The following WDFY4 variants were observed in gnomAD, a reference collection of about 807,000 sequenced individuals.
WDFY4 encodes WD repeat- and FYVE domain-containing protein 4.
In WDFY4, 169 loss-of-function variants were observed where a neutral mutation model predicts 351.9. The observed-to-expected ratio is 0.48, with a 90% confidence interval of 0.42 to 0.55. WDFY4 has a LOEUF of 0.55. WDFY4 is among the 20% of genes least tolerant of loss of function. The probability of loss-of-function intolerance (pLI) is 0.00; values close to 1 mark genes in which losing one functional copy is unlikely to be tolerated. For missense variants in WDFY4, 3,803 were observed against 3,935.6 expected (o/e 0.97, Z 0.90); for synonymous variants, 1,622 against 1,574.6 (o/e 1.03, Z -0.71).
chr10:48,969,857 C>T (rs1842260810), intron 56 of WDFY4, among the ~76,000 whole-genome samples: 1 of 152,178 alleles, frequency 6.6e-6, no homozygotes, highest in Non-Finnish European at 1.5e-5. Context: ...CCCACATGTC[C>T]TCCCTCCTGA....
intron 47 of WDFY4, among the ~76,000 whole-genome samples, chr10:48,916,370 TTTTG>T (rs200916428): frequency 7.9e-5 from 12 of 152,166 alleles, no homozygotes; most frequent in Admixed American, 2.6e-4. Context: ...GTGTTCTGTT[TTTTG>T]TTTGTTTGTT....
intron 23 of WDFY4, among the ~76,000 whole-genome samples, chr10:48,795,918 T>C (rs1028763608): frequency 6.6e-6 from 1 of 152,084 alleles, no homozygotes. Flanking sequence ...GACAGGCACA[T>C]CTGGCTGGGT....
intron 51 of WDFY4, among the ~76,000 whole-genome samples, chr10:48,948,901 A>T (rs1023701409): frequency 1.3e-5 from 2 of 152,266 alleles, no homozygotes; most frequent in African/African-American, 4.8e-5. Context: ...ATTCCAACTT[A>T]GCATGAGCTA....
At chr10:48,883,960 C>T (rs1186495546) in intron 43 of WDFY4, 3 of 152,200 alleles carry the variant, frequency 2.0e-5, no homozygotes, top group Admixed American at 6.5e-5. Context: ...CTCTGTTTGA[C>T]TTGAGGAGTG....
At position 48,919,059 on chromosome 10, in the gene WDFY4, A is replaced by G. The variant is rs575948145; in HGVS notation, c.7586+17196A>G. Among the ~76,000 whole-genome samples the G allele has an allele frequency of 2.2e-3, 328 of 152,292 alleles. 1 individual carries two copies. The highest frequency in any genetic ancestry group is 7.7e-3 in the African/African-American group (318 of 41,562). ...ACATATGGAATATCCACTAACACAG[A>G]CTATATTTTGGGTCATGAAACAAGC... is the stretch of plus-strand genomic sequence containing the variant. On this transcript the variant is annotated intron_variant, in intron 47 of 61. Coordinates refer to ENST00000325239, the MANE Select transcript of WDFY4 (RefSeq NM_001394531.1).
At chr10:48,692,976 C>T (rs2063235237) in intron 1 of WDFY4, among the ~76,000 whole-genome samples, 1 of 152,128 alleles carries the variant, frequency 6.6e-6, no homozygotes, top group Admixed American at 6.5e-5. Flanking sequence ...GGGGGGCAGC[C>T]ATGAGCTGTG....
intron 47 of WDFY4, among the ~76,000 whole-genome samples, chr10:48,929,458 G>A (rs533998834): frequency 9.1e-4 from 139 of 152,256 alleles, no homozygotes; most frequent in African/African-American, 3.3e-3. Flanking sequence ...AAATAGCCCA[G>A]CATGGGAGGA....
At chr10:48,939,885 C>T (rs1256346965) in intron 47 of WDFY4, among the ~76,000 whole-genome samples, 3 of 152,156 alleles carry the variant, frequency 2.0e-5, no homozygotes, top group Non-Finnish European at 2.9e-5. Context: ...TACACCATTC[C>T]ACCTGATAGT....
intron 47 of WDFY4, among the ~76,000 whole-genome samples, chr10:48,919,173 A>G (rs1838823813): frequency 6.6e-6 from 1 of 152,024 alleles, no homozygotes; most frequent in Admixed American, 6.6e-5. Flanking sequence ...CAGACTGACA[A>G]TTTAAAAAAA....
At chr10:48,740,336 G>A (rs1334130123) in intron 11 of WDFY4, among the ~76,000 whole-genome samples, 3 of 152,196 alleles carry the variant, frequency 2.0e-5, no homozygotes, top group Admixed American at 1.3e-4. Context: ...CACACGTCAA[G>A]GTTGGAGTGA....
intron 12 of WDFY4, among the ~76,000 whole-genome samples, chr10:48,752,985 C>T (rs1314891330): frequency 6.6e-6 from 1 of 152,192 alleles, no homozygotes; most frequent in African/African-American, 2.4e-5. Flanking sequence ...ACACACCCAA[C>T]AGCAATATAA....
In WDFY4 at chr10:48,788,548, A is replaced by G; in HGVS notation, c.3827A>G (p.Glu1276Gly). Residue 1276 changes from glutamate to glycine, a missense_variant, in exon 21 of 62, where the codon GAA becomes GGA. Coordinates refer to ENST00000325239, the MANE Select transcript of WDFY4 (RefSeq NM_001394531.1). Reference sequence around the variant, plus strand: ...GTTACAGGGGAGGACCTGGACAGTGAAGCCACGCCCTTTGTTGCAGAAGAA... The same window carrying G: ...GTTACAGGGGAGGACCTGGACAGTGGAGCCACGCCCTTTGTTGCAGAAGAA... Reference protein sequence around the residue: ...VHVQGEDLDSEATPFVAEERV... With the variant: ...VHVQGEDLDSGATPFVAEERV... 6.4e-7 allele frequency: 1 copy of G among 1,552,144 alleles called. No homozygotes were observed. Among genetic ancestry groups the G allele is most frequent in the Non-Finnish European group, 8.7e-7 (1 of 1,147,064 alleles).
chr10:48,879,246 T>C (rs1481828961), intron 43 of WDFY4, among the ~76,000 whole-genome samples: 1 of 152,254 alleles, frequency 6.6e-6, no homozygotes, highest in Non-Finnish European at 1.5e-5. Context: ...CCCTTGCCAA[T>C]GTCTGGAGAC....
chr10:48,867,309 G>A lies in WDFY4; in HGVS notation c.6708G>A (p.Glu2236=), dbSNP rs866857206. 2.7e-6 allele frequency: 4 copies of A among 1,505,936 alleles called. No homozygotes were observed. The highest frequency in any genetic ancestry group is 3.6e-6 in the Non-Finnish European group (4 of 1,123,240). 93.3% of individuals were successfully genotyped at this position (1,505,936 alleles called of 1,614,324 possible). Residue 2236 remains glutamate, a synonymous_variant, in exon 40 of 62, where the codon GAG becomes GAA. Coordinates refer to ENST00000325239, the MANE Select transcript of WDFY4 (RefSeq NM_001394531.1). ...CIENYRRRGQ[E]LYASLYKDHV... ...AGAACTACAGAAGAAGAGGACAAGA[G>A]CTATATGCATCTTTATACAAAGACC...
intron 39 of WDFY4, among the ~76,000 whole-genome samples, chr10:48,846,239 A>G (rs904283466): frequency 2.0e-5 from 3 of 152,084 alleles, no homozygotes; most frequent in Non-Finnish European, 2.9e-5. Context: ...AGGCAGGCCC[A>G]CTTCCATATT....
intron 43 of WDFY4, among the ~76,000 whole-genome samples, chr10:48,878,843 C>T (rs2070133714): frequency 6.6e-6 from 1 of 152,226 alleles, no homozygotes; most frequent in African/African-American, 2.4e-5. Flanking sequence ...AGGAGGAAAC[C>T]CTGTTGTCTA....
At position 48,733,956 on chromosome 10, in the gene WDFY4, T is replaced by C; in HGVS notation, c.1608T>C (p.Val536=). The change falls in exon 10 of 62, where the codon GTT becomes GTC. Residue 536 remains valine, a synonymous_variant. Transcript: ENST00000325239. The part of the protein sequence containing the change: ...KSGNKVSTPG[V]QDPERELTCV... ...GAAACAAAGTGTCCACTCCTGGTGTTCAGGATCCAGAAAGAGAACTCACCT... is the reference window on the plus strand; with the variant it reads ...GAAACAAAGTGTCCACTCCTGGTGTCCAGGATCCAGAAAGAGAACTCACCT... 1 of 1,551,760 alleles carries C rather than the reference T, an allele frequency of 6.4e-7. No homozygotes were observed. Among genetic ancestry groups the C allele is most frequent in the Non-Finnish European group, 8.7e-7 (1 of 1,147,000 alleles).
intron 8 of WDFY4, among the ~76,000 whole-genome samples, chr10:48,730,853 G>C (rs1001295321): frequency 6.6e-6 from 1 of 151,934 alleles, no homozygotes; most frequent in Admixed American, 6.5e-5. Flanking sequence ...TTATCTTTTT[G>C]AAATCTAATG....
chr10:48,744,592 C>G (rs2132425140), intron 12 of WDFY4, among the ~76,000 whole-genome samples: 1 of 152,318 alleles, frequency 6.6e-6, no homozygotes, highest in Admixed American at 6.5e-5. Flanking sequence ...CAGATTTATG[C>G]TAGCATCATA....
Sources: gnomAD v4.1 joint callset for allele counts (sites outside exome capture counted in the v4.1 genomes callset) on GRCh38, gnomAD v4.1.1 for gene constraint, MANE v1.5 for transcripts, NCBI Gene and HGNC (gene_info 2026-07-23, HGNC 2026-07-21) for gene names.